The following AMER1 variants were observed in gnomAD, a reference collection of about 807,000 sequenced individuals.
AMER1 encodes RP11-403E24.2.
Under a neutral mutation model 53.0 loss-of-function variants are expected in AMER1, and 16 were observed. The ratio of observed to expected loss-of-function variants is 0.30; its 90% CI spans 0.20 to 0.46. The LOEUF (loss-of-function observed/expected upper bound fraction) is 0.46. Among genes scored for constraint, AMER1 ranks in the 20% least tolerant of loss-of-function variants. The pLI is 1.00. For synonymous variants in AMER1, 354 were observed against 331.9 expected (o/e 1.07, Z -0.73); for missense variants, 947 against 884.9 (o/e 1.07, Z -0.89).
At chrX:64,195,706 C>T (rs1174898367) in intron 1 of AMER1, among the ~76,000 whole-genome samples, 6 of 112,519 alleles carry the variant, frequency 5.3e-5, no homozygotes, top group South Asian at 3.7e-4. Flanking sequence ...AACCTTCCTC[C>T]TCTCCATCCA....
In AMER1 at chrX:64,189,119, C is replaced by T. The variant is rs1009889618; in HGVS notation, c.*760G>A. ...GTCTTTAACCCAAGCTATGGCAGGA[C>T]AGTTAAAAGGCCCCCATCTGGTCAT... On this transcript the variant is annotated 3_prime_UTR_variant, in exon 2 of 2. Coordinates refer to ENST00000374869, the MANE Select transcript of AMER1 (RefSeq NM_152424.4). 3.9e-6 allele frequency: 3 copies of T among 775,192 alleles called. No individual in the cohort carries two copies. Among genetic ancestry groups the T allele is most frequent in the Non-Finnish European group, 4.5e-6 (3 of 666,978 alleles). The allele number at this position is 775,192 out of a possible 1,213,427, so 63.9% of individuals were successfully genotyped here.
intron 1 of AMER1, among the ~76,000 whole-genome samples, chrX:64,200,578 A>G (rs755652200): frequency 2.7e-5 from 3 of 112,053 alleles, no homozygotes; most frequent in South Asian, 7.5e-4. Context: ...AGATTGGACC[A>G]GGGAGTCTGC....
chrX:64,195,158 C>A (rs1930340422), intron 1 of AMER1, among the ~76,000 whole-genome samples: 1 of 111,675 alleles, frequency 9.0e-6, no homozygotes, highest in Admixed American at 9.5e-5. Context: ...CCCCTCCCAC[C>A]TCCAAATACA....
At position 64,192,060 on chromosome X, in the gene AMER1, C is replaced by A. The variant is rs748967963; in HGVS notation, c.1227G>T (p.Leu409=). Residue 409 remains leucine (L), a synonymous_variant, in exon 2 of 2, where the codon CTG becomes CTT. Transcript: ENST00000374869. ...EEEEDDDLEY[L]WETAQMYPRP... ...GTGGATACATTTGGGCAGTTTCCCA[C>A]AGATATTCTAAGTCATCATCTTCTT... 3 of 1,211,906 alleles carry A rather than the reference C, an allele frequency of 2.5e-6. No individual in the cohort carries two copies. The African/African-American group carries it at 5.2e-5, about 21-fold the overall frequency.
rs2147088154 is a variant in AMER1 at position 64,191,795 on chromosome X, C to T, written c.1492G>A (p.Asp498Asn). Reference protein sequence around the residue: ...GLVRRDCLPRDSYSGDALYEF... With the variant: ...GLVRRDCLPRNSYSGDALYEF... The stretch of plus-strand genomic sequence containing the variant: ...TATAGGGCATCTCCACTGTAGCTGT[C>T]TCGGGGTAGACAATCCCTGCGGACA... Residue 498 changes from aspartate (D) to asparagine (N), a missense_variant, in exon 2 of 2, where the codon GAC (aspartate) becomes AAC (asparagine). By Grantham distance (23) the Asp-to-Asn change is conservative. Coordinates refer to ENST00000374869, the MANE Select transcript of AMER1 (RefSeq NM_152424.4). 8.3e-7 allele frequency: 1 copy of T among 1,211,648 alleles called. No homozygotes were observed. The highest frequency in any genetic ancestry group is 1.1e-6 in the Non-Finnish European group (1 of 895,419).
rs779325879 is a variant in AMER1 at position 64,190,606 on chromosome X, C to T, written c.2681G>A (p.Arg894His). The change falls in exon 2 of 2, where the codon CGC (arginine) becomes CAC (histidine). Residue 894 changes from arginine to histidine, a missense_variant. Transcript: ENST00000374869. ...CAGGGTCTCTGCAGTGTCGAGAGAGCGGCTTCTCCTGTTGAGGGCCATAGC... is the reference window on the plus strand; with the variant it reads ...CAGGGTCTCTGCAGTGTCGAGAGAGTGGCTTCTCCTGTTGAGGGCCATAGC... ...PAAMALNRRS[R>H]SLDTAETLEM... The T allele has an allele frequency of 1.6e-5, 19 of 1,210,378 alleles. No individual in the cohort carries two copies. Among genetic ancestry groups the T allele is most frequent in the Middle Eastern group, 4.6e-4 (2 of 4,374 alleles).
At position 64,196,659 on chromosome X, in the gene AMER1, C is replaced by G. The variant is rs181431729; in HGVS notation, c.-98-3275G>C. 1.3e-3 allele frequency among the ~76,000 whole-genome samples: 151 copies of G among 112,114 alleles called. 1 individual carries two copies. The highest frequency in any genetic ancestry group is 4.7e-3 in the African/African-American group (144 of 30,894). On this transcript the variant is annotated intron_variant, in intron 1 of 1. Transcript: ENST00000374869. ...TCTGCTAAGAGGTTTGAAAAGCCCT[C>G]TCTGTGTGTTGTGGGAGACAGATGA...
In AMER1 at chrX:64,186,882, T is replaced by C. The variant is rs1930122225; in HGVS notation, c.*2997A>G. 3.9e-6 allele frequency: 3 copies of C among 773,263 alleles called. No homozygotes were observed. The highest frequency in any genetic ancestry group is 3.1e-6 in the Non-Finnish European group (2 of 650,127). The allele number at this position is 773,263 out of a possible 1,213,427, so 63.7% of individuals were successfully genotyped here. A position where few individuals can be genotyped will look rare whatever the true frequency, so the allele number is the denominator to read the frequency against. On this transcript the variant is annotated 3_prime_UTR_variant, in exon 2 of 2. Transcript: ENST00000374869. ...ACTGGTCCTCCAAGGACCAGTCTCA[T>C]CTGGGAATTCTCAGGATCACAGCTG...
At chrX:64,199,022 G>T (rs769046351) in intron 1 of AMER1, among the ~76,000 whole-genome samples, 1 of 112,563 alleles carries the variant, frequency 8.9e-6, no homozygotes, top group East Asian at 2.8e-4. Flanking sequence ...TAAAGGAAGG[G>T]CTGCTTGGCT....
rs1404477878 is a variant in AMER1, at chrX:64,190,463, G to A, written c.2824C>T (p.Arg942Ter). 4.1e-6 allele frequency: 5 copies of A among 1,211,784 alleles called. No homozygotes were observed. The highest frequency in any genetic ancestry group is 3.0e-5 in the East Asian group (1 of 33,808). The change falls in exon 2 of 2, where the codon CGA (arginine) becomes TGA (stop). Residue 942 changes from arginine (R) to a stop codon, truncating the protein, a stop_gained. Transcript: ENST00000374869. LOFTEE classifies it high-confidence loss of function. ...DEEEEEGEWS[R>*]DSPLSLYTEP... is the part of the protein sequence containing the mutation. ...GTATAGAGGGAAAGGGGACTGTCTC[G>A]GCTCCATTCTCCTTCTTCCTCCTCT... is the stretch of plus-strand genomic sequence containing the variant.
At chrX:64,195,302 G>A (rs1333252355) in intron 1 of AMER1, among the ~76,000 whole-genome samples, 2 of 111,924 alleles carry the variant, frequency 1.8e-5, no homozygotes, top group African/African-American at 6.5e-5. Context: ...TACTGCTAAG[G>A]TTATCGTCAC....
In AMER1 at chrX:64,186,352, A is replaced by T. The variant is rs182898712; in HGVS notation, c.*3527T>A. The T allele has an allele frequency of 2.3e-5, 22 of 943,513 alleles. No individual in the cohort carries two copies. Among genetic ancestry groups the T allele is most frequent in the Admixed American group, 5.2e-5 (1 of 19,244 alleles). 77.8% of individuals were successfully genotyped at this position (943,513 alleles called of 1,213,427 possible). The stretch of plus-strand genomic sequence containing the variant: ...AAACAGCACCGCTTAAAAATAAATC[A>T]GAAAAGAACAATTGATAAACATTGT... On this transcript the variant is annotated 3_prime_UTR_variant, in exon 2 of 2. Coordinates refer to ENST00000374869, the MANE Select transcript of AMER1 (RefSeq NM_152424.4).
rs749051942 is a variant in AMER1, at chrX:64,193,289, T to C, written c.-3A>G. On this transcript the variant is annotated 5_prime_UTR_variant, in exon 2 of 2. Coordinates refer to ENST00000374869, the MANE Select transcript of AMER1 (RefSeq NM_152424.4). ...GCTTCATCCTTTTGGGTCTCCATGA[T>C]GATGGGGACAACTGAGGTACGTCCA... The C allele has an allele frequency of 2.5e-6, 3 of 1,211,579 alleles. No individual in the cohort carries two copies. The highest frequency in any genetic ancestry group is 3.3e-6 in the Non-Finnish European group (3 of 895,548).
Position 64,189,676 on chromosome X carries a change from G to C in AMER1, c.*203C>G, listed in dbSNP as rs761967224. 3.9e-4 allele frequency: 419 copies of C among 1,072,460 alleles called. No homozygotes were observed. Among genetic ancestry groups the C allele is most frequent in the Non-Finnish European group, 4.8e-4 (401 of 833,086 alleles). 88.4% of individuals were successfully genotyped at this position (1,072,460 alleles called of 1,213,427 possible). ...GTGCAGTAGCAGCAGCAGCCTCCCT[G>C]GGCAGATGCACTTGAGTTGAACGTG... is the stretch of plus-strand genomic sequence containing the variant. On this transcript the variant is annotated 3_prime_UTR_variant, in exon 2 of 2. Transcript: ENST00000374869.
chrX:64,188,239 T>A lies in AMER1; in HGVS notation c.*1640A>T. The A allele has an allele frequency of 2.5e-6, 2 of 803,713 alleles. No homozygotes were observed. The highest frequency in any genetic ancestry group is 3.0e-6 in the Non-Finnish European group (2 of 669,561). The allele number at this position is 803,713 out of a possible 1,213,427, so 66.2% of individuals were successfully genotyped here. A position where few individuals can be genotyped will look rare whatever the true frequency, so the allele number is the denominator to read the frequency against. On this transcript the variant is annotated 3_prime_UTR_variant, in exon 2 of 2. Transcript: ENST00000374869. ...AGATGGTGGGATGTGAGGGCGAGGGTGCAATAATCATAATTTGAGTGAACA... is the reference window on the plus strand; with the variant it reads ...AGATGGTGGGATGTGAGGGCGAGGGAGCAATAATCATAATTTGAGTGAACA...
chrX:64,189,634 C>G lies in AMER1; in HGVS notation c.*245G>C. The G allele has an allele frequency of 1.0e-6, 1 of 980,861 alleles. No homozygotes were observed. The highest frequency in any genetic ancestry group is 3.7e-5 in the South Asian group (1 of 26,746). 80.8% of individuals were successfully genotyped at this position (980,861 alleles called of 1,213,427 possible). ...CAGCGTGGGTCACAAGAAGAAACCTCGAAAGCAAAAACTGGAGTGCAGTAG... is the reference window on the plus strand; with the variant it reads ...CAGCGTGGGTCACAAGAAGAAACCTGGAAAGCAAAAACTGGAGTGCAGTAG... On this transcript the variant is annotated 3_prime_UTR_variant, in exon 2 of 2. Transcript: ENST00000374869.
chrX:64,189,514 G>GTGTGTGTGTGTGTGTGTGTATA lies in AMER1; in HGVS notation c.*364_*365insTATACACACACACACACACACA, dbSNP rs1205241247. On this transcript the variant is annotated 3_prime_UTR_variant, in exon 2 of 2. Transcript: ENST00000374869. ...TGTGTGTGTGTGTGTGTGTGTGTGT[G>GTGTGTGTGTGTGTGTGTGTATA]TATATATATATATATATATATATAT... The GTGTGTGTGTGTGTGTGTGTATA allele has an allele frequency of 3.6e-5, 1 of 28,073 alleles. No homozygotes were observed. Among genetic ancestry groups the GTGTGTGTGTGTGTGTGTGTATA allele is most frequent in the African/African-American group, 1.7e-4 (1 of 5,950 alleles). 2.3% of individuals were successfully genotyped at this position (28,073 alleles called of 1,213,427 possible).
At position 64,190,474 on chromosome X, in the gene AMER1, C is replaced by T. The variant is rs2147085250; in HGVS notation, c.2813G>A (p.Gly938Glu). The T allele has an allele frequency of 1.7e-6, 2 of 1,211,858 alleles. No homozygotes were observed. The highest frequency in any genetic ancestry group is 2.2e-6 in the Non-Finnish European group (2 of 895,547). The change falls in exon 2 of 2, where the codon GGA becomes GAA. Residue 938 changes from glycine (G) to glutamate (E), a missense_variant. Gly to Glu is a moderately conservative substitution (Grantham distance 98). Transcript: ENST00000374869. ...AAGGGGACTGTCTCGGCTCCATTCT[C>T]CTTCTTCCTCCTCTTCGTCCTCCTC... The part of the protein sequence containing the change: ...SDEEDEEEEE[G>E]EWSRDSPLSL...
chrX:64,189,799 A>ACACCCCCCC lies in AMER1; in HGVS notation c.*79_*80insGGGGGGGTG. 8.0e-6 allele frequency: 1 copy of ACACCCCCCC among 125,106 alleles called. No homozygotes were observed. The highest frequency in any genetic ancestry group is 1.4e-5 in the Non-Finnish European group (1 of 70,167). 10.3% of individuals were successfully genotyped at this position (125,106 alleles called of 1,213,427 possible). ...GTTTTCAAGTTAAACAACAACCCCCACCCCCCCACCCTTCTGCCCAACCCC... is the reference window on the plus strand; with the variant it reads ...GTTTTCAAGTTAAACAACAACCCCCACACCCCCCCCCCCCCCACCCTTCTGCCCAACCCC... On this transcript the variant is annotated 3_prime_UTR_variant, in exon 2 of 2. Coordinates refer to ENST00000374869, the MANE Select transcript of AMER1 (RefSeq NM_152424.4).
Sources: gnomAD v4.1 joint callset for allele counts (sites outside exome capture counted in the v4.1 genomes callset) on GRCh38, gnomAD v4.1.1 for gene constraint, MANE v1.5 for transcripts, NCBI Gene and HGNC (gene_info 2026-07-23, HGNC 2026-07-21) for gene names.